The following NCAM2 variants were observed in gnomAD, a reference collection of about 807,000 sequenced individuals.
The protein encoded by NCAM2 is N-CAM-2.
Under a neutral mutation model 98.1 loss-of-function variants are expected in NCAM2, and 30 were observed. The observed-to-expected ratio is 0.31, with a 90% CI of 0.23 to 0.41. The LOEUF is 0.41. Among genes scored for constraint, NCAM2 ranks in the 10% least tolerant of loss-of-function variants. The probability of loss-of-function intolerance (pLI) is 1.00; values close to 1 mark genes in which losing one functional copy is unlikely to be tolerated. For synonymous variants in NCAM2, 368 were observed against 342.4 expected (o/e 1.07, Z -0.83); for missense variants, 867 against 1,005.8 (o/e 0.86, Z 1.87).
chr21:21,029,337 A>G (rs1378127569), intron 1 of NCAM2, among the ~76,000 whole-genome samples: 1 of 152,164 alleles, frequency 6.6e-6, no homozygotes, highest in African/African-American at 2.4e-5. Context: ...ATTCTTTCTG[A>G]TGTAAAATTC....
intron 1 of NCAM2, among the ~76,000 whole-genome samples, chr21:21,183,478 G>C (rs1304140854): frequency 2.0e-5 from 3 of 152,092 alleles, no homozygotes; most frequent in Non-Finnish European, 4.4e-5. Context: ...ATATTAGTGG[G>C]GGCAGCTAAA....
At chr21:20,999,870 C>T (rs1304663159) in intron 1 of NCAM2, among the ~76,000 whole-genome samples, 2 of 152,168 alleles carry the variant, frequency 1.3e-5, no homozygotes, top group Non-Finnish European at 2.9e-5. Flanking sequence ...GTGAAGCCTT[C>T]CTTTTTCTGC....
At chr21:21,052,888 A>G (rs1484447657) in intron 1 of NCAM2, among the ~76,000 whole-genome samples, 1 of 152,208 alleles carries the variant, frequency 6.6e-6, no homozygotes, top group East Asian at 1.9e-4. Flanking sequence ...TAAAAAATTT[A>G]GAGTAAATAA....
At chr21:21,146,557 G>GGATATATATATATATATATA (rs2067279874) in intron 1 of NCAM2, among the ~76,000 whole-genome samples, 1 of 55,032 alleles carries the variant, frequency 1.8e-5, no homozygotes, top group African/African-American at 4.9e-5. Flanking sequence ...ATATATATAT[G>GGATATATATATATATATATA]TATATATATA....
intron 1 of NCAM2, among the ~76,000 whole-genome samples, chr21:21,152,564 C>T (rs2067478450): frequency 6.6e-6 from 1 of 151,902 alleles, no homozygotes; most frequent in Admixed American, 6.6e-5. Context: ...AGATGATCTG[C>T]TTAAGCCCTG....
intron 11 of NCAM2, among the ~76,000 whole-genome samples, chr21:21,425,040 CAAAAAAAAA>C (rs1192128472): frequency 2.7e-4 from 12 of 43,852 alleles, no homozygotes; most frequent in South Asian, 1.2e-3. Flanking sequence ...CTTCCTCCTC[CAAAAAAAAA>C]AAAAAAAAAA....
Position 21,410,016 on chromosome 21 carries a change from C to T in NCAM2, c.1196-258C>T, listed in dbSNP as rs543363747. Among the ~76,000 whole-genome samples, 11 of 152,072 alleles carry T rather than the reference C, an allele frequency of 7.2e-5. 1 individual carries two copies. The South Asian group carries it at 1.9e-3, about 26-fold the overall frequency. On this transcript the variant is annotated intron_variant, in intron 9 of 17. Transcript: ENST00000400546. ...GGCTTGGTGGCGGGCACCTGTAGTCCCAGCTACTCAGAAGGCTGAAGCAGG... is the reference window on the plus strand; with the variant it reads ...GGCTTGGTGGCGGGCACCTGTAGTCTCAGCTACTCAGAAGGCTGAAGCAGG...
intron 1 of NCAM2, among the ~76,000 whole-genome samples, chr21:21,220,738 A>G (rs1354341612): frequency 6.6e-6 from 1 of 152,162 alleles, no homozygotes; most frequent in Non-Finnish European, 1.5e-5. Context: ...CTTTCTTATT[A>G]TCGTAGAATG....
intron 11 of NCAM2, among the ~76,000 whole-genome samples, chr21:21,427,598 G>C (rs1000327696): frequency 3.3e-5 from 5 of 152,156 alleles, no homozygotes; most frequent in African/African-American, 1.2e-4. Context: ...GGGAGAAATG[G>C]GAAGATGTTG....
At chr21:21,388,753 G>A (rs138278582) in intron 9 of NCAM2, among the ~76,000 whole-genome samples, 220 of 152,102 alleles carry the variant, frequency 1.4e-3, no homozygotes, top group African/African-American at 4.9e-3. Context: ...CTGTTTATTC[G>A]GTTGTACATT....
At chr21:21,106,984 C>G (rs925371963) in intron 1 of NCAM2, among the ~76,000 whole-genome samples, 1 of 151,978 alleles carries the variant, frequency 6.6e-6, no homozygotes, top group African/African-American at 2.4e-5. Context: ...AATATCTTAT[C>G]CATTAAAATA....
At chr21:21,147,546 A>G (rs1167893770) in intron 1 of NCAM2, among the ~76,000 whole-genome samples, 1 of 151,394 alleles carries the variant, frequency 6.6e-6, no homozygotes, top group East Asian at 1.9e-4. Flanking sequence ...CACAGTATAC[A>G]TACATGCCGT....
intron 1 of NCAM2, among the ~76,000 whole-genome samples, chr21:21,222,667 C>T (rs2070217862): frequency 6.6e-6 from 1 of 152,144 alleles, no homozygotes; most frequent in Non-Finnish European, 1.5e-5. Flanking sequence ...GGATTTCCTT[C>T]CTATGGATGA....
chr21:21,020,624 G>A (rs1401555055), intron 1 of NCAM2, among the ~76,000 whole-genome samples: 1 of 152,128 alleles, frequency 6.6e-6, no homozygotes, highest in East Asian at 1.9e-4. Context: ...CGTGCCCAGA[G>A]GCTCAGCATG....
At chr21:21,110,108 G>T (rs1161322580) in intron 1 of NCAM2, among the ~76,000 whole-genome samples, 3 of 152,208 alleles carry the variant, frequency 2.0e-5, no homozygotes, top group Non-Finnish European at 4.4e-5. Context: ...CCGGGGTGAT[G>T]AGTCCAAAGC....
intron 5 of NCAM2, among the ~76,000 whole-genome samples, chr21:21,298,198 C>T (rs973397042): frequency 1.3e-5 from 2 of 151,654 alleles, no homozygotes; most frequent in Non-Finnish European, 3.0e-5. Flanking sequence ...AAAATTTTCT[C>T]TTTAAGTTGT....
At chr21:21,266,075 A>G (rs999641404) in intron 1 of NCAM2, among the ~76,000 whole-genome samples, 1 of 152,116 alleles carries the variant, frequency 6.6e-6, no homozygotes, top group African/African-American at 2.4e-5. Context: ...GAATCAATCA[A>G]TTAGAATATA....
intron 1 of NCAM2, among the ~76,000 whole-genome samples, chr21:21,278,125 A>G (rs73230403): frequency 0.044 from 6,635 of 152,232 alleles, 195 homozygotes; most frequent in Middle Eastern, 0.16. Flanking sequence ...AGTAAAGGGA[A>G]GAAAGAAAAG....
chr21:21,155,330 G>A (rs1034621844), intron 1 of NCAM2, among the ~76,000 whole-genome samples: 1 of 151,332 alleles, frequency 6.6e-6, no homozygotes, highest in African/African-American at 2.4e-5. Flanking sequence ...GTTTAAATAT[G>A]TTTAAAAATT....
Sources: gnomAD v4.1 joint callset for allele counts (sites outside exome capture counted in the v4.1 genomes callset) on GRCh38, gnomAD v4.1.1 for gene constraint, MANE v1.5 for transcripts, NCBI Gene and HGNC (gene_info 2026-07-23, HGNC 2026-07-21) for gene names.